ZNF385D: variants seen among roughly 807,000 people sequenced by gnomAD.
ZNF385D encodes zinc finger protein 659.
Under a neutral mutation model 35.8 loss-of-function variants are expected in ZNF385D, and 15 were observed. That is an observed-to-expected ratio of 0.42 (90% CI 0.28 to 0.64). The LOEUF is 0.64. Among genes scored for constraint, ZNF385D ranks in the 30% least tolerant of loss-of-function variants. The probability of loss-of-function intolerance (pLI) is 0.23; values close to 1 mark genes in which losing one functional copy is unlikely to be tolerated. For missense variants in ZNF385D, 474 were observed against 494.6 expected (o/e 0.96, Z 0.39); for synonymous variants, 212 against 186.8 (o/e 1.13, Z -1.10).
chr3:21,593,724 T>A (rs937454532), intron 2 of ZNF385D, among the ~76,000 whole-genome samples: 1 of 151,358 alleles, frequency 6.6e-6, no homozygotes, highest in Non-Finnish European at 1.5e-5. Flanking sequence ...TTTTTAAAAA[T>A]TACAGTGAAC....
At chr3:22,253,306 T>C (rs767829922) in intron 2 of ZNF385D, among the ~76,000 whole-genome samples, 1 of 151,542 alleles carries the variant, frequency 6.6e-6, no homozygotes, top group Non-Finnish European at 1.5e-5. Context: ...AACTAAGAAA[T>C]AGACTGTAAT....
intron 3 of ZNF385D, among the ~76,000 whole-genome samples, chr3:21,866,119 G>GA (rs34155379): frequency 6.6e-6 from 1 of 151,876 alleles, no homozygotes; most frequent in Non-Finnish European, 1.5e-5. Context: ...AACATATGTA[G>GA]AAAAATAGTT....
rs552256483 is a variant in ZNF385D, at chr3:21,683,067, G to A, written c.23-18039C>T. ...TACTTCAAGTTTTGATTTCTGAGTG[G>A]GAGCTGCTAATTTGCATTACTTACT... On this transcript the variant is annotated intron_variant, in intron 1 of 7. Coordinates refer to ENST00000281523, the MANE Select transcript of ZNF385D (RefSeq NM_024697.3). Among the ~76,000 whole-genome samples the A allele has an allele frequency of 2.7e-4, 40 of 149,766 alleles. 1 individual carries two copies. Among genetic ancestry groups the A allele is most frequent in the African/African-American group, 9.1e-4 (37 of 40,722 alleles).
At chr3:22,231,932 C>T (rs1364907611) in intron 2 of ZNF385D, among the ~76,000 whole-genome samples, 2 of 152,098 alleles carry the variant, frequency 1.3e-5, no homozygotes, top group African/African-American at 2.4e-5. Context: ...CCCTGTTTCT[C>T]CTCCTGCTCT....
chr3:22,078,022 T>C lies in ZNF385D; in HGVS notation c.325+90795A>G, dbSNP rs369031959. Among the ~76,000 whole-genome samples the C allele has an allele frequency of 2.4e-4, 37 of 152,088 alleles. No homozygotes were observed. In the South Asian group the frequency reaches 4.1e-3, roughly 17 times the overall value. On this transcript the variant is annotated intron_variant, in intron 3 of 5. Transcript: ENST00000494108. ...GCCAAATAAAGATCATGTATTTTTA[T>C]TGGATTTCAAAACTGAAGACAATCT... is the stretch of plus-strand genomic sequence containing the variant.
At chr3:22,351,908 A>G (rs1695932148) in intron 2 of ZNF385D, among the ~76,000 whole-genome samples, 1 of 152,164 alleles carries the variant, frequency 6.6e-6, no homozygotes, top group Non-Finnish European at 1.5e-5. Context: ...GCTAACCTGA[A>G]GAGAGAGAAA....
intron 3 of ZNF385D, among the ~76,000 whole-genome samples, chr3:22,033,153 GC>G (rs1698102896): frequency 6.6e-6 from 1 of 152,050 alleles, no homozygotes; most frequent in East Asian, 1.9e-4. Flanking sequence ...TGTAACCCTA[GC>G]ACTTTAGGAG....
chr3:21,821,530 T>G (rs1694232039), intron 3 of ZNF385D, among the ~76,000 whole-genome samples: 1 of 152,144 alleles, frequency 6.6e-6, no homozygotes, highest in East Asian at 1.9e-4. Flanking sequence ...AATGATTAAC[T>G]AAACAAAAAA....
intron 3 of ZNF385D, among the ~76,000 whole-genome samples, chr3:22,132,010 G>A (rs938000690): frequency 6.6e-6 from 1 of 152,154 alleles, no homozygotes; most frequent in Non-Finnish European, 1.5e-5. Flanking sequence ...TGAAGTAGGA[G>A]AATTGCATTA....
chr3:22,104,107 T>C (rs894935259), intron 3 of ZNF385D, among the ~76,000 whole-genome samples: 2 of 152,070 alleles, frequency 1.3e-5, no homozygotes, highest in Admixed American at 6.6e-5. Context: ...TTGAAAGGTG[T>C]CCATGTATTA....
At chr3:21,743,737 G>C (rs75348265) in intron 1 of ZNF385D, among the ~76,000 whole-genome samples, 1 of 152,094 alleles carries the variant, frequency 6.6e-6, no homozygotes, top group Admixed American at 6.6e-5. Context: ...TAGGAATTAG[G>C]GCTTCAATTT....
At chr3:22,075,695 A>T (rs1000945165) in intron 3 of ZNF385D, among the ~76,000 whole-genome samples, 3 of 151,908 alleles carry the variant, frequency 2.0e-5, no homozygotes, top group African/African-American at 7.2e-5. Flanking sequence ...AGAAGTTTTG[A>T]TACATTCTCT....
At chr3:21,540,639 C>A (rs1407978580) in intron 3 of ZNF385D, among the ~76,000 whole-genome samples, 1 of 152,100 alleles carries the variant, frequency 6.6e-6, no homozygotes, top group Non-Finnish European at 1.5e-5. Flanking sequence ...TGAAGATGAA[C>A]CTGATGTCCC....
intron 3 of ZNF385D, among the ~76,000 whole-genome samples, chr3:22,093,886 C>T (rs1465032474): frequency 6.6e-6 from 1 of 152,076 alleles, no homozygotes; most frequent in African/African-American, 2.4e-5. Flanking sequence ...AGCTCGCTAA[C>T]ACTTTATAAA....
At chr3:21,619,156 C>G (rs2064930672) in intron 2 of ZNF385D, among the ~76,000 whole-genome samples, 1 of 152,148 alleles carries the variant, frequency 6.6e-6, no homozygotes, top group Non-Finnish European at 1.5e-5. Context: ...CACCAGTCAC[C>G]TCTCCCCACA....
At chr3:21,687,495 C>T (rs963681268) in intron 1 of ZNF385D, among the ~76,000 whole-genome samples, 1 of 152,116 alleles carries the variant, frequency 6.6e-6, no homozygotes, top group Admixed American at 6.6e-5. Context: ...GGCCGCTACA[C>T]ATGTATAGCT....
At chr3:21,847,270 T>G (rs1476116408) in intron 3 of ZNF385D, among the ~76,000 whole-genome samples, 1 of 152,092 alleles carries the variant, frequency 6.6e-6, no homozygotes, top group Non-Finnish European at 1.5e-5. Context: ...GTTATTTGAA[T>G]GCATCACATT....
chr3:21,575,239 A>T (rs2063462115), intron 2 of ZNF385D, among the ~76,000 whole-genome samples: 1 of 152,194 alleles, frequency 6.6e-6, no homozygotes. Flanking sequence ...CAGGAGTATC[A>T]GTCACCCAAG....
chr3:22,238,705 T>C (rs1214981135), intron 2 of ZNF385D, among the ~76,000 whole-genome samples: 4 of 150,892 alleles, frequency 2.7e-5, no homozygotes. Context: ...TGTGTATATG[T>C]GGGTGTGTAA....
Sources: allele counts gnomAD v4.1 joint callset (sites outside exome capture counted in the v4.1 genomes callset), GRCh38; gene constraint gnomAD v4.1.1; transcripts MANE v1.5; gene names NCBI Gene and HGNC (gene_info 2026-07-23, HGNC 2026-07-21).